The following TANGO6 variants were observed in gnomAD, a reference collection of about 807,000 sequenced individuals.
The protein encoded by TANGO6 is transport and Golgi organization protein 6 homolog.
TANGO6 carries 90 observed loss-of-function variants against 114.2 expected under a neutral mutation model. The observed-to-expected ratio is 0.79, with a 90% CI of 0.66 to 0.94. TANGO6 has a LOEUF of 0.94. TANGO6 is among the 40% of genes least tolerant of loss of function. TANGO6 has a pLI of 0.00. For missense variants in TANGO6, 1,274 were observed against 1,315.3 expected (o/e 0.97, Z 0.49); for synonymous variants, 477 against 509.8 (o/e 0.94, Z 0.87).
chr16:68,866,623 C>A (rs1349270128), intron 3 of TANGO6, among the ~76,000 whole-genome samples: 1 of 138,314 alleles, frequency 7.2e-6, no homozygotes, highest in South Asian at 2.3e-4. Flanking sequence ...GAGCAAGACT[C>A]CGTCTCAAAA....
chr16:68,900,659 C>G, intron 8 of TANGO6, 113 bp downstream of exon 8: 1 of 901,904 alleles, frequency 1.1e-6, no homozygotes, highest in East Asian at 2.5e-5. Context: ...CATTTCCTTT[C>G]AAAGTCAGGA....
At chr16:69,017,854 G>A (rs1959328447) in intron 15 of TANGO6, among the ~76,000 whole-genome samples, 1 of 151,642 alleles carries the variant, frequency 6.6e-6, no homozygotes, top group Admixed American at 6.6e-5. Flanking sequence ...GAAAGAGAAA[G>A]CACTGCAACA....
intron 17 of TANGO6, among the ~76,000 whole-genome samples, chr16:69,063,929 C>G (rs1302114224): frequency 6.6e-6 from 1 of 151,738 alleles, no homozygotes; most frequent in Non-Finnish European, 1.5e-5. Context: ...CTCCGCCTCC[C>G]GGATTCAAGC....
Position 68,897,688 on chromosome 16 carries a change from C to A in TANGO6, c.1378-2746C>A, listed in dbSNP as rs1309625915. On this transcript the variant is annotated intron_variant, in intron 7 of 17. Coordinates refer to ENST00000261778, the MANE Select transcript of TANGO6 (RefSeq NM_024562.2). The stretch of plus-strand genomic sequence containing the variant: ...CCGCCTCCTGGGTTCAAGCGATTCT[C>A]CTGCCTCAGCTTCCCAAGTAGCTGG... 4.0e-5 allele frequency among the ~76,000 whole-genome samples: 6 copies of A among 151,822 alleles called. 1 individual carries two copies. The South Asian group carries it at 1.2e-3, about 32-fold the overall frequency.
intron 15 of TANGO6, among the ~76,000 whole-genome samples, chr16:68,997,431 C>G (rs1321291952): frequency 6.6e-6 from 1 of 152,164 alleles, no homozygotes; most frequent in African/African-American, 2.4e-5. Flanking sequence ...AAGGATTCCT[C>G]TCCTTTTTAG....
intron 14 of TANGO6, among the ~76,000 whole-genome samples, chr16:68,935,844 T>A (rs774612086): frequency 1.3e-5 from 2 of 152,140 alleles, no homozygotes; most frequent in Non-Finnish European, 2.9e-5. Flanking sequence ...GTATATAAGG[T>A]AAAAGGCAGA....
chr16:69,040,776 T>C (rs1314844884), intron 17 of TANGO6, among the ~76,000 whole-genome samples: 1 of 152,176 alleles, frequency 6.6e-6, no homozygotes, highest in Non-Finnish European at 1.5e-5. Context: ...CTGACTCATT[T>C]GATTGTTCAT....
intron 10 of TANGO6, 102 bp downstream of exon 10, chr16:68,907,677 G>T: frequency 7.4e-7 from 1 of 1,355,822 alleles, no homozygotes; most frequent in Non-Finnish European, 9.8e-7. Flanking sequence ...TAAAATGTAG[G>T]CCCTAATTTA....
At chr16:69,002,821 C>A (rs1401210177) in intron 15 of TANGO6, among the ~76,000 whole-genome samples, 1 of 152,068 alleles carries the variant, frequency 6.6e-6, no homozygotes, top group Non-Finnish European at 1.5e-5. Context: ...GCGGGCAGAT[C>A]ACCTGAGGTC....
chr16:69,011,221 C>G (rs1964140224), intron 15 of TANGO6, among the ~76,000 whole-genome samples: 1 of 152,062 alleles, frequency 6.6e-6, no homozygotes, highest in Admixed American at 6.6e-5. Flanking sequence ...ATGGTTTTGT[C>G]TGTGTTCACA....
At chr16:68,850,436 A>G (rs898459907) in intron 1 of TANGO6, among the ~76,000 whole-genome samples, 4 of 152,212 alleles carry the variant, frequency 2.6e-5, no homozygotes, top group African/African-American at 9.6e-5. Flanking sequence ...TAATCACACA[A>G]TACATACTCA....
At position 69,038,417 on chromosome 16, in the gene TANGO6, G is replaced by A. The variant is rs1392884498; in HGVS notation, c.2995-1891G>A. On this transcript the variant is annotated intron_variant, in intron 16 of 17. Coordinates refer to ENST00000261778, the MANE Select transcript of TANGO6 (RefSeq NM_024562.2). ...TGCACTCCAGCCTGGATGACAGAGC[G>A]AGATCCTGTTTCAAAAAAAAAAAAA... Among the ~76,000 whole-genome samples, 5 of 151,224 alleles carry A rather than the reference G, an allele frequency of 3.3e-5. No homozygotes were observed. The South Asian group carries it at 6.2e-4, about 19-fold the overall frequency.
chr16:68,874,087 G>A (rs1962319683), intron 4 of TANGO6, among the ~76,000 whole-genome samples: 1 of 152,126 alleles, frequency 6.6e-6, no homozygotes, highest in South Asian at 2.1e-4. Flanking sequence ...GGTGGTTATT[G>A]CCCCAGGCTT....
chr16:68,918,469 C>T (rs369636683), intron 11 of TANGO6, among the ~76,000 whole-genome samples: 1 of 152,098 alleles, frequency 6.6e-6, no homozygotes, highest in South Asian at 2.1e-4. Flanking sequence ...ATGTTATCTT[C>T]GAGGAGTTTA....
intron 4 of TANGO6, among the ~76,000 whole-genome samples, chr16:68,871,475 A>AT (rs1048478953): frequency 1.3e-5 from 2 of 151,550 alleles, no homozygotes; most frequent in Non-Finnish European, 2.9e-5. Context: ...ATCTTCAAAT[A>AT]TTTTTTTCTG....
intron 6 of TANGO6, 43 bp downstream of exon 6, chr16:68,878,323 C>G (rs750399914): frequency 6.5e-7 from 1 of 1,547,384 alleles, no homozygotes; most frequent in Non-Finnish European, 8.7e-7. Context: ...TCTAAAGGAC[C>G]TTCTTCAGTA....
intron 15 of TANGO6, among the ~76,000 whole-genome samples, chr16:68,976,533 G>A (rs897855595): frequency 3.3e-5 from 5 of 152,200 alleles, no homozygotes; most frequent in Admixed American, 3.3e-4. Flanking sequence ...AAGCCAGCAA[G>A]TACACTTTGA....
intron 11 of TANGO6, among the ~76,000 whole-genome samples, chr16:68,911,415 C>CTT (rs776375913): frequency 1.4e-4 from 19 of 133,610 alleles, no homozygotes; most frequent in East Asian, 2.1e-4. Flanking sequence ...TTTATAGTTT[C>CTT]TTTTTTTTTT....
intron 14 of TANGO6, among the ~76,000 whole-genome samples, chr16:68,958,502 A>G (rs1963557342): frequency 1.3e-5 from 2 of 150,770 alleles, no homozygotes; most frequent in Non-Finnish European, 2.9e-5. Flanking sequence ...AAAAAAAAAA[A>G]AAAAGAGAGA....
Sources: allele counts gnomAD v4.1 joint callset (sites outside exome capture counted in the v4.1 genomes callset), GRCh38; gene constraint gnomAD v4.1.1; transcripts MANE v1.5; gene names NCBI Gene and HGNC (gene_info 2026-07-23, HGNC 2026-07-21).